The following CNTN6 variants were observed in gnomAD, a reference collection of about 807,000 sequenced individuals.
CNTN6 encodes contactin-6.
A neutral mutation model predicts 122.8 loss-of-function variants in CNTN6; 137 were observed. The observed-to-expected ratio is 1.12, with a 90% CI of 0.97 to 1.29. CNTN6 has a LOEUF of 1.29. Ranked by LOEUF, CNTN6 falls within the 50% of genes most tolerant of loss-of-function variation. The probability of loss-of-function intolerance (pLI) is 0.00; values close to 1 mark genes in which losing one functional copy is unlikely to be tolerated. For missense variants in CNTN6, 1,634 were observed against 1,223.4 expected (o/e 1.34, Z -5.01); for synonymous variants, 570 against 426.0 (o/e 1.34, Z -4.16).
intron 17 of CNTN6, among the ~76,000 whole-genome samples, chr3:1,380,658 T>C (rs544951667): frequency 3.3e-5 from 5 of 152,288 alleles, no homozygotes; most frequent in South Asian, 4.1e-4. Flanking sequence ...ATGACCTCTT[T>C]TCTAATGTCT....
At chr3:1,368,981 C>A (rs901514703) in intron 12 of CNTN6, among the ~76,000 whole-genome samples, 2 of 152,184 alleles carry the variant, frequency 1.3e-5, no homozygotes, top group African/African-American at 2.4e-5. Flanking sequence ...CCAAGGCTAT[C>A]CTCCAGCTTC....
chr3:1,288,266 C>T (rs1328822534), intron 5 of CNTN6, among the ~76,000 whole-genome samples: 1 of 152,090 alleles, frequency 6.6e-6, no homozygotes, highest in African/African-American at 2.4e-5. Flanking sequence ...CAGAAGGGAT[C>T]CAATAAAATC....
intron 4 of CNTN6, among the ~76,000 whole-genome samples, chr3:1,241,073 A>C (rs989051930): frequency 1.3e-5 from 2 of 152,082 alleles, no homozygotes; most frequent in African/African-American, 4.8e-5. Context: ...TACAAAGTAC[A>C]TTGATCAGTT....
intron 5 of CNTN6, among the ~76,000 whole-genome samples, 175 bp downstream of exon 5, chr3:1,278,683 T>C (rs1692850374): frequency 6.6e-6 from 1 of 152,208 alleles, no homozygotes; most frequent in Non-Finnish European, 1.5e-5. Context: ...CTTTTAAAAA[T>C]ATTCGTTCAA....
intron 8 of CNTN6, among the ~76,000 whole-genome samples, chr3:1,325,230 G>T (rs886576437): frequency 6.6e-6 from 1 of 151,774 alleles, no homozygotes; most frequent in African/African-American, 2.4e-5. Flanking sequence ...CAGAATTAAA[G>T]TAAGATACTG....
chr3:1,340,154 A>C (rs957870934), intron 11 of CNTN6, among the ~76,000 whole-genome samples: 1 of 152,182 alleles, frequency 6.6e-6, no homozygotes, highest in Non-Finnish European at 1.5e-5. Context: ...TTCAGTTCTG[A>C]GAAGCTCTGA....
At chr3:1,100,374 T>G (rs1448093508) in intron 1 of CNTN6, among the ~76,000 whole-genome samples, 1 of 152,190 alleles carries the variant, frequency 6.6e-6, no homozygotes, top group Admixed American at 6.5e-5. Context: ...GGGGACTGTT[T>G]ATGATGTAAT....
chr3:1,368,649 T>C (rs1487176564), intron 12 of CNTN6, among the ~76,000 whole-genome samples: 2 of 152,084 alleles, frequency 1.3e-5, no homozygotes, highest in Non-Finnish European at 1.5e-5. Context: ...TAGTAAACAA[T>C]TGACCAGAAA....
At chr3:1,339,053 G>A (rs535237273) in intron 11 of CNTN6, among the ~76,000 whole-genome samples, 1 of 151,942 alleles carries the variant, frequency 6.6e-6, no homozygotes, top group African/African-American at 2.4e-5. Context: ...CAGTGAAGCT[G>A]TCAGAGCACT....
At chr3:1,140,869 A>G (rs2092592743) in intron 1 of CNTN6, among the ~76,000 whole-genome samples, 1 of 152,186 alleles carries the variant, frequency 6.6e-6, no homozygotes, top group Admixed American at 6.5e-5. Flanking sequence ...CTTTCTACTA[A>G]TCTATCATCT....
rs1491110079 is a variant in CNTN6, at chr3:1,160,367, T to TATATATATATACAC, written c.55+12305_55+12306insTATATATATACACA. 3.6e-5 allele frequency among the ~76,000 whole-genome samples: 4 copies of TATATATATATACAC among 112,560 alleles called. No individual in the cohort carries two copies. In the East Asian group the frequency reaches 1.1e-3, roughly 30 times the overall value. The allele number at this position is 112,560 out of a possible 152,430, so 73.8% of individuals were successfully genotyped here. ...CTGTATATATATATATATATATATA[T>TATATATATATACAC]ACACACTACCTATATGGTCATTTAG... On this transcript the variant is annotated intron_variant, in intron 2 of 22. Transcript: ENST00000446702.
chr3:1,377,123 G>A (rs1207210612), intron 17 of CNTN6, 48 bp downstream of exon 17: 5 of 1,302,728 alleles, frequency 3.8e-6, no homozygotes, highest in Non-Finnish European at 5.4e-6. Context: ...AGATTTAACT[G>A]GCCAGAAAGA....
At chr3:1,391,762 C>G (rs1177638148) in intron 20 of CNTN6, among the ~76,000 whole-genome samples, 2 of 149,656 alleles carry the variant, frequency 1.3e-5, no homozygotes, top group East Asian at 4.0e-4. Context: ...ACACCAACAA[C>G]AGACAAACAG....
intron 2 of CNTN6, among the ~76,000 whole-genome samples, chr3:1,151,070 G>T (rs1041674559): frequency 1.3e-5 from 2 of 152,086 alleles, no homozygotes; most frequent in African/African-American, 4.8e-5. Context: ...TTTCAGCCCC[G>T]TGAATCCCAT....
Position 1,093,030 on chromosome 3 carries a change from C to T in CNTN6, c.-173C>T, listed in dbSNP as rs141131355. On this transcript the variant is annotated 5_prime_UTR_variant, in exon 1 of 23. Coordinates refer to ENST00000446702, the MANE Select transcript of CNTN6 (RefSeq NM_001289080.2). ...CCAGCTGCATAGACATTCCATACGGCTTGGTTCTGCCTGGACGCACAGCAT... is the reference window on the plus strand; with the variant it reads ...CCAGCTGCATAGACATTCCATACGGTTTGGTTCTGCCTGGACGCACAGCAT... 2.8e-6 allele frequency: 1 copy of T among 351,732 alleles called. No individual in the cohort carries two copies. The highest frequency in any genetic ancestry group is 3.8e-5 in the Admixed American group (1 of 26,116). The allele number at this position is 351,732 out of a possible 1,614,324, so 21.8% of individuals were successfully genotyped here. A position where few individuals can be genotyped will look rare whatever the true frequency, so the allele number is the denominator to read the frequency against.
intron 1 of CNTN6, among the ~76,000 whole-genome samples, chr3:1,126,491 A>C (rs1187891228): frequency 6.6e-6 from 1 of 151,778 alleles, no homozygotes; most frequent in Non-Finnish European, 1.5e-5. Context: ...TCACTGTCTT[A>C]TTATCACATT....
intron 2 of CNTN6, among the ~76,000 whole-genome samples, chr3:1,214,958 A>G (rs552416104): frequency 6.6e-6 from 1 of 152,194 alleles, no homozygotes; most frequent in African/African-American, 2.4e-5. Flanking sequence ...GGGTCTCCCT[A>G]TAGTACCCAG....
In CNTN6 at chr3:1,332,257, G is replaced by T. The variant is rs948694686; in HGVS notation, c.1364+2322G>T. ...GCAGTAATTTTCAAAAGGTCACACAGTTAACTCCATGAGTCTATGTCCCTG... is the reference window on the plus strand; with the variant it reads ...GCAGTAATTTTCAAAAGGTCACACATTTAACTCCATGAGTCTATGTCCCTG... On this transcript the variant is annotated intron_variant, in intron 11 of 22. Coordinates refer to ENST00000446702, the MANE Select transcript of CNTN6 (RefSeq NM_001289080.2). 2.0e-5 allele frequency among the ~76,000 whole-genome samples: 3 copies of T among 152,046 alleles called. No homozygotes were observed. The East Asian group carries it at 5.8e-4, about 30-fold the overall frequency.
At chr3:1,384,812 C>CATATAT (rs60437325) in intron 19 of CNTN6, among the ~76,000 whole-genome samples, 6 of 118,500 alleles carry the variant, frequency 5.1e-5, no homozygotes, top group Admixed American at 3.4e-4. Context: ...CACACACACA[C>CATATAT]ATATATATAT....
Sources: gnomAD v4.1 joint callset for allele counts (sites outside exome capture counted in the v4.1 genomes callset) on GRCh38, gnomAD v4.1.1 for gene constraint, MANE v1.5 for transcripts, NCBI Gene and HGNC (gene_info 2026-07-23, HGNC 2026-07-21) for gene names.